The following FAM107A variants were observed in gnomAD, a reference collection of about 807,000 sequenced individuals.
FAM107A encodes the protein actin-associated protein FAM107A.
Under a neutral mutation model 13.7 loss-of-function variants are expected in FAM107A, and 19 were observed. The observed-to-expected ratio is 1.38, with a 90% confidence interval of 0.97 to 2.03. The LOEUF (loss-of-function observed/expected upper bound fraction) is 2.03. FAM107A is among the 30% of genes most tolerant of loss of function. The pLI, the probability that FAM107A is intolerant of heterozygous loss-of-function variation, is 0.00. For synonymous variants in FAM107A, 82 were observed against 74.5 expected (o/e 1.10, Z -0.52); for missense variants, 203 against 184.4 (o/e 1.10, Z -0.58).
chr3:58,586,982 G>C (rs1266398208), exon 1 of FAM107A: 3 of 1,493,780 alleles, frequency 2.0e-6, no homozygotes, highest in Non-Finnish European at 2.7e-6. Flanking sequence ...GGCCCCGCGA[G>C]CGCACAGCAG....
chr3:58,626,944 C>T (rs1452386986), intron 1 of FAM107A: 3 of 1,535,366 alleles, frequency 2.0e-6, no homozygotes, highest in Admixed American at 3.9e-5. Flanking sequence ...TGACCAGGGC[C>T]CCAACAGGAC....
chr3:58,576,484 G>A (rs530197187), intron 1 of FAM107A, among the ~76,000 whole-genome samples: 6 of 152,326 alleles, frequency 3.9e-5, no homozygotes, highest in Non-Finnish European at 7.4e-5. Flanking sequence ...GCCTCTGCAG[G>A]GAAAATTCCA....
At chr3:58,597,178 G>A (rs2065714454) in intron 1 of FAM107A, among the ~76,000 whole-genome samples, 1 of 152,196 alleles carries the variant, frequency 6.6e-6, no homozygotes, top group African/African-American at 2.4e-5. Context: ...GAATTTTTGG[G>A]TCAAAATGAG....
In FAM107A at chr3:58,569,964, C is replaced by A; in HGVS notation, c.-5-99G>T. The A allele has an allele frequency of 2.5e-6, 3 of 1,209,594 alleles. No homozygotes were observed. Among genetic ancestry groups the A allele is most frequent in the Non-Finnish European group, 3.5e-6 (3 of 866,298 alleles). The allele number at this position is 1,209,594 out of a possible 1,614,324, so 74.9% of individuals were successfully genotyped here. A position where few individuals can be genotyped will look rare whatever the true frequency, so the allele number is the denominator to read the frequency against. On this transcript the variant is annotated intron_variant, in intron 1 of 3. Transcript: ENST00000360997. The surrounding 1 kb of genome is among the most constrained non-coding windows in gnomAD (Gnocchi z 5.7). ...GGGCAAGGTTTTCATGTCAGATGGACCTTGGCCACCTGCTACTGCGCATAC... is the reference window on the plus strand; with the variant it reads ...GGGCAAGGTTTTCATGTCAGATGGAACTTGGCCACCTGCTACTGCGCATAC...
intron 1 of FAM107A, among the ~76,000 whole-genome samples, chr3:58,593,573 C>T (rs1053851990): frequency 6.9e-6 from 1 of 145,466 alleles, no homozygotes; most frequent in African/African-American, 2.5e-5. Flanking sequence ...TCTATCCTGA[C>T]GAAGTCCTTT....
chr3:58,599,696 ATTTT>A (rs57244654), intron 1 of FAM107A, among the ~76,000 whole-genome samples: 1 of 78,568 alleles, frequency 1.3e-5, no homozygotes, highest in Non-Finnish European at 2.7e-5. Flanking sequence ...CAAGTGCACC[ATTTT>A]TTTTTTTTTT....
chr3:58,582,801 T>G (rs1483629662), intron 1 of FAM107A, among the ~76,000 whole-genome samples: 7 of 152,264 alleles, frequency 4.6e-5, no homozygotes, highest in Non-Finnish European at 8.8e-5. Flanking sequence ...CATTCAAGTT[T>G]GTTTGTTTGT....
chr3:58,566,340 T>C lies in FAM107A; in HGVS notation c.*248A>G, dbSNP rs2108033690. On this transcript the variant is annotated 3_prime_UTR_variant, in exon 4 of 4. Transcript: ENST00000360997. Reference sequence around the variant, plus strand: ...GCTCCTGTGCTGGGCTCTGAACCCCTTGCAGGGAGGGGTGCAGGTTATCCC... The same window carrying C: ...GCTCCTGTGCTGGGCTCTGAACCCCCTGCAGGGAGGGGTGCAGGTTATCCC... 1 of 485,570 alleles carries C rather than the reference T, an allele frequency of 2.1e-6. No individual in the cohort carries two copies. The highest frequency in any genetic ancestry group is 3.8e-5 in the South Asian group (1 of 26,506). The allele number at this position is 485,570 out of a possible 1,614,324, so 30.1% of individuals were successfully genotyped here.
chr3:58,567,422 T>A, intron 2 of FAM107A, 58 bp from the exon 3 acceptor site: 1 of 1,547,036 alleles, frequency 6.5e-7, no homozygotes. Context: ...TCCCCCAGCC[T>A]CAGGGCTGCT....
In FAM107A at chr3:58,569,944, A is replaced by C; in HGVS notation, c.-5-79T>G. 1 of 1,438,208 alleles carries C rather than the reference A, an allele frequency of 7.0e-7. No homozygotes were observed. The highest frequency in any genetic ancestry group is 9.4e-7 in the Non-Finnish European group (1 of 1,065,530). 89.1% of individuals were successfully genotyped at this position (1,438,208 alleles called of 1,614,324 possible). On this transcript the variant is annotated intron_variant, in intron 1 of 3. Coordinates refer to ENST00000360997, the MANE Select transcript of FAM107A (RefSeq NM_001076778.3). The surrounding 1 kb of genome is among the most constrained non-coding windows in gnomAD (Gnocchi z 5.7). Reference sequence around the variant, plus strand: ...CCCCATGGGACACAGTTGAAGGGCAAGGTTTTCATGTCAGATGGACCTTGG... The same window carrying C: ...CCCCATGGGACACAGTTGAAGGGCACGGTTTTCATGTCAGATGGACCTTGG...
At chr3:58,626,666 G>T (rs1196752756) in intron 1 of FAM107A, among the ~76,000 whole-genome samples, 1 of 152,196 alleles carries the variant, frequency 6.6e-6, no homozygotes, top group Admixed American at 6.5e-5. Context: ...CTCTCCTGGG[G>T]TATGGGGAAG....
intron 1 of FAM107A, among the ~76,000 whole-genome samples, chr3:58,583,836 A>T (rs537308653): frequency 2.0e-5 from 3 of 152,102 alleles, no homozygotes; most frequent in East Asian, 1.9e-4. Context: ...ATGCACCACC[A>T]TGCTGGGCTA....
intron 1 of FAM107A, among the ~76,000 whole-genome samples, chr3:58,619,289 A>C (rs1461101303): frequency 6.6e-6 from 1 of 152,120 alleles, no homozygotes; most frequent in African/African-American, 2.4e-5. Flanking sequence ...GCCGTGAGCC[A>C]CTGTACCAGA....
intron 1 of FAM107A, chr3:58,606,946 T>C (rs900937634): frequency 6.6e-6 from 1 of 152,200 alleles, no homozygotes; most frequent in Non-Finnish European, 1.5e-5. Context: ...CAGAGAAAAG[T>C]AGAGCCCTGA....
intron 1 of FAM107A, among the ~76,000 whole-genome samples, chr3:58,586,334 C>T (rs2065605379): frequency 6.6e-6 from 1 of 151,618 alleles, no homozygotes; most frequent in Non-Finnish European, 1.5e-5. Flanking sequence ...TGTTCTCACA[C>T]ATAGGAAGAA....
chr3:58,608,787 C>T (rs983518349), intron 1 of FAM107A: 7 of 152,262 alleles, frequency 4.6e-5, no homozygotes, highest in Admixed American at 2.6e-4. Context: ...TTACGCCAGG[C>T]AAGATCGCGT....
chr3:58,599,696 ATTTTTTTTTTTTTTTTTTTTTTTTT>A (rs57244654), intron 1 of FAM107A, among the ~76,000 whole-genome samples: 3 of 78,570 alleles, frequency 3.8e-5, no homozygotes, highest in African/African-American at 9.9e-5. Context: ...CAAGTGCACC[ATTTTTTTTTTTTTTTTTTTTTTTTT>A]TTTTTTTTTT....
intron 1 of FAM107A, among the ~76,000 whole-genome samples, chr3:58,585,512 C>G (rs1409533444): frequency 6.6e-6 from 1 of 152,256 alleles, no homozygotes; most frequent in African/African-American, 2.4e-5. Flanking sequence ...GAAGGGCGAG[C>G]AGTTCCAGAG....
chr3:58,566,745 C>T, intron 3 of FAM107A, 50 bp from the exon 4 acceptor site: 1 of 1,452,214 alleles, frequency 6.9e-7, no homozygotes, highest in Non-Finnish European at 9.6e-7. Context: ...AGGGGGATTC[C>T]TACTCTGAAA....
Sources: allele counts gnomAD v4.1 joint callset (sites outside exome capture counted in the v4.1 genomes callset), GRCh38; gene constraint gnomAD v4.1.1; non-coding constraint Gnocchi (gnomAD v3.1); transcripts MANE v1.5; gene names NCBI Gene and HGNC (gene_info 2026-07-23, HGNC 2026-07-21).